AKR7A2: variants seen among roughly 807,000 people sequenced by gnomAD.
AKR7A2 encodes aldo-keto reductase family 7 member A2, also known as aflatoxin B1 aldehyde reductase member 2.
Under a neutral mutation model 37.3 loss-of-function variants are expected in AKR7A2, and 29 were observed. That is an observed-to-expected ratio of 0.78 (90% confidence interval 0.58 to 1.06). AKR7A2 has a LOEUF of 1.06. Ranked by LOEUF, AKR7A2 falls within the 50% of genes least tolerant of loss-of-function variation. The probability of loss-of-function intolerance (pLI) is 0.00; values close to 1 mark genes in which losing one functional copy is unlikely to be tolerated. For synonymous variants in AKR7A2, 228 were observed against 217.8 expected (o/e 1.05, Z -0.41); for missense variants, 529 against 497.9 (o/e 1.06, Z -0.59).
At chr1:19,310,065 G>C (rs534987241) in intron 1 of AKR7A2, among the ~76,000 whole-genome samples, 49 of 151,396 alleles carry the variant, frequency 3.2e-4, no homozygotes, top group African/African-American at 1.1e-3. Flanking sequence ...GACAGAGTGA[G>C]ACTCTGTGTC....
chr1:19,304,335 C>G lies in AKR7A2; in HGVS notation c.970G>C (p.Glu324Gln), dbSNP rs757629717. 11 of 1,614,026 alleles carry G rather than the reference C, an allele frequency of 6.8e-6. No homozygotes were observed. Among genetic ancestry groups the G allele is most frequent in the Non-Finnish European group, 6.8e-6 (8 of 1,180,038 alleles). Reference protein sequence around the residue: ...ILGMSSLEQLEQNLAATEEGP... With the variant: ...ILGMSSLEQLQQNLAATEEGP... ...TCCTCTGTTGCTGCCAAGTTCTGCT[C>G]CAGCTGCTCCAGGCTGGACATGCCC... Residue 324 changes from glutamate to glutamine, a missense_variant, in exon 7 of 7, where the codon GAG (glutamate) becomes CAG (glutamine). Glu to Gln is a conservative substitution (Grantham distance 29). Coordinates refer to ENST00000235835, the MANE Select transcript of AKR7A2 (RefSeq NM_003689.4).
chr1:19,311,762 G>A, intron 1 of AKR7A2, 65 bp downstream of exon 1: 1 of 1,595,952 alleles, frequency 6.3e-7, no homozygotes, highest in East Asian at 2.2e-5. Flanking sequence ...CGAGCGGGGT[G>A]GTGCACGGCT....
At chr1:19,308,364 G>A (rs1211919167) in intron 2 of AKR7A2, 91 bp downstream of exon 2, 4 of 1,595,460 alleles carry the variant, frequency 2.5e-6, no homozygotes, top group Non-Finnish European at 3.4e-6. Context: ...GCCCCACCCT[G>A]GGACTGCCCT....
intron 1 of AKR7A2, 44 bp from the exon 2 acceptor site, chr1:19,308,686 T>A: frequency 6.3e-7 from 1 of 1,579,252 alleles, no homozygotes; most frequent in Non-Finnish European, 8.7e-7. Context: ...TTAGAGCCAT[T>A]TGCTAACCAT....
Position 19,308,170 on chromosome 1 carries a change from G to T in AKR7A2, c.579C>A (p.Pro193=). 6.2e-7 allele frequency: 1 copy of T among 1,614,088 alleles called. No homozygotes were observed. The highest frequency in any genetic ancestry group is 8.5e-7 in the Non-Finnish European group (1 of 1,179,948). Residue 193 remains proline (P), a synonymous_variant, in exon 3 of 7, where the codon CCC becomes CCA. Coordinates refer to ENST00000235835, the MANE Select transcript of AKR7A2 (RefSeq NM_003689.4). ...CCCCGGCCCTCACCTGGTACACAGT[G>T]GGCAGGATCCAGCCATTGCTCTTGC... The part of the protein sequence containing the change: ...TLCKSNGWIL[P]TVYQGMYNAT...
rs1365094281 is a variant in AKR7A2 at position 19,312,072 on chromosome 1, AGC to A, written c.51_52del (p.Leu18SerfsTer99). ...GCGGGCCTCGGGCGGCGGAGAGCGA[AGC>A]GCGCAGTGGACGGCGGCGCGGGAGA... On this transcript the variant is annotated frameshift_variant, in exon 1 of 7. Transcript: ENST00000235835. LOFTEE classifies it high-confidence loss of function. 2.2e-6 allele frequency: 3 copies of A among 1,354,300 alleles called. No individual in the cohort carries two copies. The highest frequency in any genetic ancestry group is 2.8e-6 in the Non-Finnish European group (3 of 1,062,340). 83.9% of individuals were successfully genotyped at this position (1,354,300 alleles called of 1,614,324 possible).
At chr1:19,303,354 G>A (rs887913207), downstream of AKR7A2, among the ~76,000 whole-genome samples, 1 of 152,184 alleles carries the variant, frequency 6.6e-6, no homozygotes, top group Non-Finnish European at 1.5e-5. Context: ...AGTGCTGCCT[G>A]CTGCCCTGCC....
rs2093756814 is a variant in AKR7A2, at chr1:19,304,126, A to G, written c.*99T>C. ...AATAATGCATGGATCTAGACAATTCAGAAAAACCCTTCTAAGTCAGCTTAA... is the reference window on the plus strand; with the variant it reads ...AATAATGCATGGATCTAGACAATTCGGAAAAACCCTTCTAAGTCAGCTTAA... On this transcript the variant is annotated 3_prime_UTR_variant, in exon 7 of 7. Transcript: ENST00000235835. The G allele has an allele frequency of 1.3e-6, 2 of 1,585,498 alleles. No homozygotes were observed. The highest frequency in any genetic ancestry group is 2.2e-5 in the South Asian group (2 of 90,176).
At chr1:19,307,740 G>A in intron 3 of AKR7A2, 1 of 502,550 alleles carries the variant, frequency 2.0e-6, no homozygotes, top group Non-Finnish European at 3.6e-6. Flanking sequence ...AATAAAGTTA[G>A]GTTCTACAAT....
chr1:19,307,579 T>C (rs1483519679), intron 3 of AKR7A2, among the ~76,000 whole-genome samples, 169 bp from the exon 4 acceptor site: 1 of 152,050 alleles, frequency 6.6e-6, no homozygotes, highest in African/African-American at 2.4e-5. Flanking sequence ...GGACAGAAAA[T>C]TGAAGTGGAA....
In AKR7A2 at chr1:19,312,010, C is replaced by T. The variant is rs755433212; in HGVS notation, c.115G>A (p.Ala39Thr). Reference protein sequence around the residue: ...AMSRPPPPRVASVLGTMEMGR... With the variant: ...AMSRPPPPRVTSVLGTMEMGR... ...ATCTCCATGGTGCCCAGCACCGAGGCGACCCGCGGTGGCGGTGGCCGGGAC... is the reference window on the plus strand; with the variant it reads ...ATCTCCATGGTGCCCAGCACCGAGGTGACCCGCGGTGGCGGTGGCCGGGAC... Residue 39 changes from alanine to threonine, a missense_variant, in exon 1 of 7, where the codon GCC (alanine) becomes ACC (threonine). Ala to Thr is a moderately conservative substitution (Grantham distance 58). Transcript: ENST00000235835. The T allele has an allele frequency of 2.0e-6, 3 of 1,470,804 alleles. No individual in the cohort carries two copies. The highest frequency in any genetic ancestry group is 2.7e-6 in the Non-Finnish European group (3 of 1,115,140). The allele number at this position is 1,470,804 out of a possible 1,614,324, so 91.1% of individuals were successfully genotyped here. A position where few individuals can be genotyped will look rare whatever the true frequency, so the allele number is the denominator to read the frequency against.
chr1:19,307,402 G>A lies in AKR7A2; in HGVS notation c.600C>T (p.Tyr200=), dbSNP rs753764281. The A allele has an allele frequency of 1.9e-6, 3 of 1,614,180 alleles. No homozygotes were observed. The South Asian group carries it at 3.3e-5, about 18-fold the overall frequency. The change falls in exon 4 of 7, where the codon TAC becomes TAT. Residue 200 remains tyrosine, a synonymous_variant. Coordinates refer to ENST00000235835, the MANE Select transcript of AKR7A2 (RefSeq NM_003689.4). ...TTTCCACCTGCCGGGTGGTGGCGTT[G>A]TACATGCCCTGCAGGGAGAGGGACC... The part of the protein sequence containing the change: ...WILPTVYQGM[Y]NATTRQVETE...
At chr1:19,309,844 G>A (rs1386577827) in intron 1 of AKR7A2, among the ~76,000 whole-genome samples, 1 of 152,186 alleles carries the variant, frequency 6.6e-6, no homozygotes, top group African/African-American at 2.4e-5. Context: ...GGAGGCTGAA[G>A]TGGGTGGATC....
intron 5 of AKR7A2, among the ~76,000 whole-genome samples, 175 bp downstream of exon 5, chr1:19,306,827 C>G (rs756027825): frequency 1.5e-4 from 23 of 152,302 alleles, no homozygotes; most frequent in Middle Eastern, 3.4e-3. Context: ...ATTTCCCCCC[C>G]AGAGGTCTCA....
At chr1:19,303,748 C>T (rs977728470), downstream of AKR7A2, among the ~76,000 whole-genome samples, 1 of 152,184 alleles carries the variant, frequency 6.6e-6, no homozygotes, top group African/African-American at 2.4e-5. Context: ...AGGTGTATGA[C>T]TCTCTTTTCT....
chr1:19,303,923 A>G, downstream of AKR7A2: 1 of 421,998 alleles, frequency 2.4e-6, no homozygotes, highest in Non-Finnish European at 4.4e-6. Flanking sequence ...CTCAGTCCCC[A>G]GGTAGGATGG....
chr1:19,308,752 A>T (rs2093767020), intron 1 of AKR7A2, 110 bp from the exon 2 acceptor site: 8 of 1,083,428 alleles, frequency 7.4e-6, no homozygotes, highest in Non-Finnish European at 9.8e-6. Flanking sequence ...GATCTGTAAA[A>T]TGGGGTGATA....
In AKR7A2 at chr1:19,307,075, A is replaced by G; in HGVS notation, c.715T>C (p.Tyr239His). ...AGGLLTGKYK[Y>H]EDKDGKQPVG... ...GGCTGTTTCCCGTCCTTGTCCTCAT[A>G]CTTGTACTTGCCAGTCAGCAGGCCC... The change falls in exon 5 of 7, where the codon TAT (tyrosine) becomes CAT (histidine). Residue 239 changes from tyrosine to histidine, a missense_variant. Coordinates refer to ENST00000235835, the MANE Select transcript of AKR7A2 (RefSeq NM_003689.4). 10 of 1,614,020 alleles carry G rather than the reference A, an allele frequency of 6.2e-6. No individual in the cohort carries two copies. Among genetic ancestry groups the G allele is most frequent in the Non-Finnish European group, 8.5e-6 (10 of 1,180,006 alleles).
Position 19,304,478 on chromosome 1 carries a change from G to A in AKR7A2, c.919-92C>T, listed in dbSNP as rs528932857. 4.9e-5 allele frequency: 79 copies of A among 1,602,954 alleles called. 1 individual carries two copies. In the Middle Eastern group the frequency reaches 1.5e-3, roughly 30 times the overall value. On this transcript the variant is annotated intron_variant, in intron 6 of 6. Transcript: ENST00000235835. ...AGCCACCTCCCTGCTGAGATCTGGG[G>A]TCTCTGTTTATATTTATATCTTGTA...
Sources: allele counts gnomAD v4.1 joint callset (sites outside exome capture counted in the v4.1 genomes callset), GRCh38; gene constraint gnomAD v4.1.1; transcripts MANE v1.5; gene names NCBI Gene and HGNC (gene_info 2026-07-23, HGNC 2026-07-21).